The following ART3 variants were observed in gnomAD, a reference collection of about 807,000 sequenced individuals.
ART3 encodes the protein ADP-ribosyltransferase 3 (inactive), also known as ecto-ADP-ribosyltransferase 3.
A neutral mutation model predicts 48.5 loss-of-function variants in ART3; 49 were observed. The observed-to-expected ratio is 1.01, with a 90% confidence interval of 0.80 to 1.28. The LOEUF (loss-of-function observed/expected upper bound fraction) is 1.28. Among genes scored for constraint, ART3 ranks in the 50% most tolerant of loss-of-function variants. The pLI, the probability that ART3 is intolerant of heterozygous loss-of-function variation, is 0.00. For missense variants in ART3, 438 were observed against 454.3 expected, an observed-to-expected ratio of 0.96 and a Z score of 0.33; for synonymous variants, 145 against 157.2, an observed-to-expected ratio of 0.92 and a Z score of 0.58.
At chr4:76,080,777 G>A (rs949513928) in intron 2 of ART3, among the ~76,000 whole-genome samples, 2 of 152,064 alleles carry the variant, frequency 1.3e-5, no homozygotes, top group African/African-American at 4.8e-5. Context: ...CCAGAGTGCT[G>A]GGATTACAGA....
intron 3 of ART3, among the ~76,000 whole-genome samples, chr4:76,091,484 G>A (rs1724877101): frequency 6.6e-6 from 1 of 152,134 alleles, no homozygotes; most frequent in African/African-American, 2.4e-5. Flanking sequence ...TGTTCCTAAT[G>A]AGTAATAATG....
intron 10 of ART3, among the ~76,000 whole-genome samples, chr4:76,105,344 A>T (rs1182649583): frequency 1.3e-5 from 2 of 152,202 alleles, no homozygotes; most frequent in East Asian, 3.8e-4. Context: ...GTAGCTTTAT[A>T]TAAGTTACTT....
Position 76,049,957 on chromosome 4 carries a change from G to T in ART3, c.-9-25924G>T, listed in dbSNP as rs1165632430. 1.3e-5 allele frequency among the ~76,000 whole-genome samples: 2 copies of T among 151,692 alleles called. 1 individual carries two copies. Among genetic ancestry groups the T allele is most frequent in the Non-Finnish European group, 2.9e-5 (2 of 67,864 alleles). ...CTTCTGGTGGGTTCGTGGTCTCACTGGCTCAGGAGTGAAGCTGCAGACCTT... is the reference window on the plus strand; with the variant it reads ...CTTCTGGTGGGTTCGTGGTCTCACTTGCTCAGGAGTGAAGCTGCAGACCTT... On this transcript the variant is annotated intron_variant, in intron 1 of 9. Transcript: ENST00000341029.
chr4:76,027,942 T>C (rs2149388432), intron 1 of ART3, among the ~76,000 whole-genome samples: 1 of 152,232 alleles, frequency 6.6e-6, no homozygotes, highest in East Asian at 1.9e-4. Flanking sequence ...AGATGAAAAT[T>C]AAAAGACAGT....
intron 1 of ART3, among the ~76,000 whole-genome samples, chr4:76,024,805 G>A (rs1469130764): frequency 6.6e-6 from 1 of 152,190 alleles, no homozygotes; most frequent in Non-Finnish European, 1.5e-5. Context: ...GGATTGGTCA[G>A]GGAATGGAAA....
At chr4:76,079,931 C>CACAG (rs1349045283) in intron 2 of ART3, among the ~76,000 whole-genome samples, 11 of 150,132 alleles carry the variant, frequency 7.3e-5, no homozygotes, top group Admixed American at 3.3e-4. Flanking sequence ...CACACACACA[C>CACAG]AGAGAGAGAG....
intron 9 of ART3, 38 bp downstream of exon 9, chr4:76,104,007 T>G (rs765112178): frequency 2.5e-6 from 4 of 1,597,944 alleles, no homozygotes; most frequent in Non-Finnish European, 1.7e-6. Context: ...AGCCCAAGAA[T>G]GAGTTGAGCA....
chr4:76,060,155 C>G lies in ART3; in HGVS notation c.-9-15726C>G, dbSNP rs1354939855. Among the ~76,000 whole-genome samples the G allele has an allele frequency of 2.6e-5, 4 of 152,148 alleles. No homozygotes were observed. In the East Asian group the frequency reaches 7.7e-4, roughly 29 times the overall value. On this transcript the variant is annotated intron_variant, in intron 1 of 9. Transcript: ENST00000341029. ...TAAAGTCTAATTAACATGTAAGATA[C>G]CCCAAATTCAAGCCTTTGTCCTATT... is the stretch of plus-strand genomic sequence containing the variant.
intron 4 of ART3, among the ~76,000 whole-genome samples, chr4:76,097,962 G>A (rs926714464): frequency 2.0e-5 from 3 of 152,160 alleles, no homozygotes; most frequent in Admixed American, 2.0e-4. Context: ...TGTCATCTGA[G>A]CCTGACCTTA....
In ART3 at chr4:76,103,931, CT is replaced by C; in HGVS notation, c.938-3del. On this transcript the variant is annotated splice_region_variant and splice_polypyrimidine_tract_variant and intron_variant, in intron 8 of 11. Coordinates refer to ENST00000355810, the MANE Select transcript of ART3 (RefSeq NM_001130016.3). The stretch of plus-strand genomic sequence containing the variant: ...AATACAAACCAATATTTATTTCTGC[CT>C]TTAGGTGTGAAAATCCTTGAACCCA... The C allele has an allele frequency of 6.2e-7, 1 of 1,612,554 alleles. No homozygotes were observed. Among genetic ancestry groups the C allele is most frequent in the Non-Finnish European group, 8.5e-7 (1 of 1,179,060 alleles).
chr4:76,079,148 C>G (rs1721857686), intron 2 of ART3, among the ~76,000 whole-genome samples: 1 of 140,974 alleles, frequency 7.1e-6, no homozygotes, highest in Non-Finnish European at 1.5e-5. Context: ...CCATGTAAGT[C>G]TCAATCTCTT....
intron 1 of ART3, among the ~76,000 whole-genome samples, chr4:76,020,282 A>G (rs980844578): frequency 2.6e-5 from 4 of 151,988 alleles, no homozygotes; most frequent in African/African-American, 9.7e-5. Flanking sequence ...TTTTTTTGGT[A>G]GAGACAGGGT....
intron 2 of ART3, among the ~76,000 whole-genome samples, chr4:76,076,676 GT>G (rs1721155934): frequency 6.6e-6 from 1 of 152,094 alleles, no homozygotes; most frequent in Non-Finnish European, 1.5e-5. Flanking sequence ...CTGAATATAT[GT>G]TTTTCTCCAA....
chr4:76,033,677 A>G (rs1489446828), intron 1 of ART3: 1 of 152,242 alleles, frequency 6.6e-6, no homozygotes, highest in Non-Finnish European at 1.5e-5. Context: ...GAAAGTATAT[A>G]GATCTTTTTT....
intron 2 of ART3, among the ~76,000 whole-genome samples, chr4:76,080,674 C>T (rs1263898333): frequency 6.6e-6 from 1 of 151,694 alleles, no homozygotes; most frequent in Non-Finnish European, 1.5e-5. Context: ...CTACGCTCAG[C>T]TAATTTTTGT....
At chr4:76,100,118 C>G (rs1057423008) in intron 5 of ART3, among the ~76,000 whole-genome samples, 173 bp from the exon 6 acceptor site, 5 of 152,164 alleles carry the variant, frequency 3.3e-5, no homozygotes, top group African/African-American at 1.2e-4. Context: ...GCTCATTAGC[C>G]AAGGTACATT....
At chr4:76,082,883 T>C (rs1199872689) in intron 3 of ART3, among the ~76,000 whole-genome samples, 3 of 152,078 alleles carry the variant, frequency 2.0e-5, no homozygotes, top group South Asian at 2.1e-4. Flanking sequence ...GAAACACTGA[T>C]AGACAATGCA....
intron 2 of ART3, among the ~76,000 whole-genome samples, chr4:76,078,823 G>T (rs972468913): frequency 1.3e-5 from 2 of 152,210 alleles, no homozygotes; most frequent in African/African-American, 4.8e-5. Context: ...GCTCACGCCT[G>T]TAATCCCAGC....
chr4:76,024,297 G>A (rs765461110), intron 1 of ART3, among the ~76,000 whole-genome samples: 1 of 146,442 alleles, frequency 6.8e-6, no homozygotes, highest in Non-Finnish European at 1.6e-5. Flanking sequence ...ATTTAAAAGC[G>A]GGGGGGCACG....
Sources: gnomAD v4.1 joint callset for allele counts (sites outside exome capture counted in the v4.1 genomes callset) on GRCh38, gnomAD v4.1.1 for gene constraint, MANE v1.5 for transcripts, NCBI Gene and HGNC (gene_info 2026-07-23, HGNC 2026-07-21) for gene names.